The following DSE variants were observed in gnomAD, a reference collection of about 807,000 sequenced individuals.
DSE encodes the protein dermatan sulfate epimerase.
In DSE, 36 loss-of-function variants were observed where a neutral mutation model predicts 84.4. That is an observed-to-expected ratio of 0.43 (90% CI 0.33 to 0.56). DSE has a LOEUF of 0.56. Among genes scored for constraint, DSE ranks in the 20% least tolerant of loss-of-function variants. The pLI is 0.06. For synonymous variants in DSE, 410 were observed against 430.1 expected, an observed-to-expected ratio of 0.95 and a Z score of 0.58; for missense variants, 862 against 1,169.6, an observed-to-expected ratio of 0.74 and a Z score of 3.84.
intron 2 of DSE, among the ~76,000 whole-genome samples, chr6:116,309,317 T>TACAC (rs1490630080): frequency 7.6e-6 from 1 of 131,976 alleles, no homozygotes; most frequent in Non-Finnish European, 1.5e-5. Context: ...GGAATACACA[T>TACAC]ACATACATAC....
chr6:116,350,530 A>G (rs1391633504), intron 2 of DSE, among the ~76,000 whole-genome samples: 1 of 152,200 alleles, frequency 6.6e-6, no homozygotes, highest in Non-Finnish European at 1.5e-5. Flanking sequence ...TATCTCAGGA[A>G]AAGGTATTAA....
chr6:116,318,515 A>AG (rs2015159893), intron 2 of DSE, among the ~76,000 whole-genome samples: 2 of 8,132 alleles, frequency 2.5e-4, no homozygotes, highest in African/African-American at 2.7e-4. Context: ...AGAAAAAAAA[A>AG]AAAGAAAGAG....
rs75484629 is a variant in DSE, at chr6:116,304,757, G to A, written c.-54+45790G>A. Among the ~76,000 whole-genome samples the A allele has an allele frequency of 8.0e-3, 1,215 of 152,244 alleles. 22 individuals carry two copies. Among genetic ancestry groups the A allele is most frequent in the South Asian group, 0.056 (269 of 4,814 alleles). ...CTCAGGGGTTCCTCAGTTCTTCAGG[G>A]AAATCCCCAGAGTCCCCCCAGCCCT... On this transcript the variant is annotated intron_variant, in intron 2 of 3. Coordinates refer to the DSE transcript ENST00000430252.
At chr6:116,337,861 T>G (rs1406558345) in intron 2 of DSE, among the ~76,000 whole-genome samples, 1 of 152,218 alleles carries the variant, frequency 6.6e-6, no homozygotes, top group African/African-American at 2.4e-5. Flanking sequence ...AAAATGGCAC[T>G]GATGACATTG....
At chr6:116,407,210 A>G (rs115649058) in intron 2 of DSE, among the ~76,000 whole-genome samples, 6 of 152,312 alleles carry the variant, frequency 3.9e-5, no homozygotes, top group Admixed American at 2.6e-4. Context: ...AGTCCTCTAT[A>G]TGATTCTTAG....
chr6:116,323,078 G>A (rs780746087), intron 2 of DSE, among the ~76,000 whole-genome samples: 12 of 152,140 alleles, frequency 7.9e-5, no homozygotes, highest in Admixed American at 5.2e-4. Context: ...CTGTGATTAT[G>A]GAATCCCAGA....
intron 2 of DSE, among the ~76,000 whole-genome samples, chr6:116,302,259 A>G (rs1014817269): frequency 6.6e-6 from 1 of 152,224 alleles, no homozygotes; most frequent in Non-Finnish European, 1.5e-5. Context: ...CCAACAGTAT[A>G]AAAGTATTCC....
intron 2 of DSE, among the ~76,000 whole-genome samples, chr6:116,336,755 C>CAA (rs55859612): frequency 7.7e-5 from 10 of 130,098 alleles, no homozygotes; most frequent in Admixed American, 1.5e-4. Flanking sequence ...AACTCCATCT[C>CAA]AAAAAAAAAA....
intron 2 of DSE, among the ~76,000 whole-genome samples, chr6:116,361,007 G>A (rs911286829): frequency 1.3e-5 from 2 of 152,178 alleles, no homozygotes; most frequent in South Asian, 2.1e-4. Flanking sequence ...TTATCATAGA[G>A]CCATTTATAT....
At chr6:116,311,691 C>T (rs1775704345) in intron 2 of DSE, among the ~76,000 whole-genome samples, 1 of 152,190 alleles carries the variant, frequency 6.6e-6, no homozygotes. Context: ...CTGCTCTGGG[C>T]CTTTGCACTT....
At chr6:116,324,026 G>A (rs532889548) in intron 2 of DSE, among the ~76,000 whole-genome samples, 31 of 152,174 alleles carry the variant, frequency 2.0e-4, no homozygotes, top group Non-Finnish European at 3.5e-4. Context: ...TCAGAGGCAA[G>A]GTAAGAGGAC....
At chr6:116,388,146 T>G (rs1208495161) in intron 1 of DSE, among the ~76,000 whole-genome samples, 2 of 152,148 alleles carry the variant, frequency 1.3e-5, no homozygotes, top group African/African-American at 4.8e-5. Context: ...TTTTGTAATT[T>G]GGAGGCTGAG....
chr6:116,404,289 C>A (rs1781780228), intron 2 of DSE, among the ~76,000 whole-genome samples: 1 of 152,156 alleles, frequency 6.6e-6, no homozygotes. Flanking sequence ...TTAAGTTTAC[C>A]ATATTTCACT....
intron 2 of DSE, among the ~76,000 whole-genome samples, chr6:116,265,007 A>G (rs951846071): frequency 2.0e-5 from 3 of 152,180 alleles, no homozygotes; most frequent in African/African-American, 7.2e-5. Flanking sequence ...GGTATCAGCC[A>G]AAGTGTTTCA....
intron 2 of DSE, among the ~76,000 whole-genome samples, chr6:116,425,383 A>G (rs1416510908): frequency 6.6e-6 from 1 of 152,156 alleles, no homozygotes; most frequent in African/African-American, 2.4e-5. Context: ...CCACAGGTAC[A>G]GCACACTTTT....
chr6:116,356,752 C>T (rs1228895222), intron 2 of DSE, among the ~76,000 whole-genome samples: 1 of 152,156 alleles, frequency 6.6e-6, no homozygotes, highest in African/African-American at 2.4e-5. Context: ...GGATTTCCAT[C>T]CAATGCTAGC....
At chr6:116,286,079 G>C (rs1176790306) in intron 2 of DSE, among the ~76,000 whole-genome samples, 3 of 152,152 alleles carry the variant, frequency 2.0e-5, no homozygotes, top group Non-Finnish European at 4.4e-5. Context: ...TAGCTTGATG[G>C]GGATAGCATT....
intron 2 of DSE, among the ~76,000 whole-genome samples, chr6:116,334,202 G>C (rs1345363648): frequency 6.6e-6 from 1 of 152,200 alleles, no homozygotes; most frequent in African/African-American, 2.4e-5. Context: ...TGAATGACTA[G>C]ATGAGATTTT....
chr6:116,343,642 A>G (rs1777760511), intron 2 of DSE, among the ~76,000 whole-genome samples: 1 of 152,144 alleles, frequency 6.6e-6, no homozygotes, highest in Non-Finnish European at 1.5e-5. Flanking sequence ...CACCATCATC[A>G]AAGACCAAGG....
Sources: allele counts gnomAD v4.1 joint callset (sites outside exome capture counted in the v4.1 genomes callset), GRCh38; gene constraint gnomAD v4.1.1; transcripts MANE v1.5; gene names NCBI Gene and HGNC (gene_info 2026-07-23, HGNC 2026-07-21).